Variants in WFDC9 observed in about 807,000 individuals in gnomAD.
WFDC9 encodes WAP four-disulfide core domain 9, also known as protein WFDC9.
In WFDC9, 9 loss-of-function variants were observed where a neutral mutation model predicts 9.5. The observed-to-expected ratio is 0.95, with a 90% CI of 0.57 to 1.65. The LOEUF (loss-of-function observed/expected upper bound fraction) is 1.65. Among genes scored for constraint, WFDC9 ranks in the 40% most tolerant of loss-of-function variants. The pLI, the probability that WFDC9 is intolerant of heterozygous loss-of-function variation, is 0.00. For missense variants in WFDC9, 87 were observed against 106.7 expected (o/e 0.82, Z 0.81); for synonymous variants, 33 against 32.3 (o/e 1.02, Z -0.07).
chr20:45,615,798 A>T (rs1981960276), intron 1 of WFDC9, among the ~76,000 whole-genome samples: 2 of 152,336 alleles, frequency 1.3e-5, no homozygotes, highest in South Asian at 4.1e-4. Context: ...ATTATTACTT[A>T]TTAAAATATT....
At chr20:45,611,370 A>G (rs1227758743) in intron 2 of WFDC9, among the ~76,000 whole-genome samples, 2 of 152,162 alleles carry the variant, frequency 1.3e-5, no homozygotes, top group Non-Finnish European at 2.9e-5. Context: ...ATAGTTCTGA[A>G]CAATTTATGT....
At chr20:45,623,356 T>C (rs939460120) in intron 1 of WFDC9, among the ~76,000 whole-genome samples, 1 of 152,146 alleles carries the variant, frequency 6.6e-6, no homozygotes, top group Non-Finnish European at 1.5e-5. Context: ...TGGATGTTTT[T>C]AGGCCAGGCG....
At chr20:45,613,758 T>C (rs1317745363) in intron 2 of WFDC9, among the ~76,000 whole-genome samples, 1 of 152,210 alleles carries the variant, frequency 6.6e-6, no homozygotes, top group Non-Finnish European at 1.5e-5. Context: ...AATGGCAAGA[T>C]ACTCATTCCT....
intron 1 of WFDC9, among the ~76,000 whole-genome samples, chr20:45,616,859 A>G (rs970365987): frequency 4.6e-5 from 7 of 152,354 alleles, no homozygotes; most frequent in Admixed American, 2.0e-4. Flanking sequence ...AGAGCAGAGC[A>G]AGAGCAGAGT....
intron 1 of WFDC9, among the ~76,000 whole-genome samples, chr20:45,627,093 G>C (rs1293761281): frequency 6.6e-6 from 1 of 152,178 alleles, no homozygotes; most frequent in African/African-American, 2.4e-5. Context: ...TTTTGTCCCT[G>C]ATTCTGTTGA....
At position 45,630,431 on chromosome 20, in the gene WFDC9, C is replaced by T. The variant is rs764728229; in HGVS notation, c.-153+772G>A. ...GGGGCAGGAAGACTAGAGACAGTGA[C>T]AGTGAGCAGAAGAGAGGGAGAGACA... On this transcript the variant is annotated intron_variant, in intron 1 of 4. Coordinates refer to ENST00000326000, the MANE Select transcript of WFDC9 (RefSeq NM_147198.4). 2.6e-5 allele frequency among the ~76,000 whole-genome samples: 4 copies of T among 152,042 alleles called. No homozygotes were observed. In the East Asian group the frequency reaches 5.8e-4, roughly 22 times the overall value.
At position 45,630,943 on chromosome 20, in the gene WFDC9, A is replaced by C. The variant is rs141343026; in HGVS notation, c.-153+260T>G. On this transcript the variant is annotated intron_variant, in intron 1 of 4. Coordinates refer to ENST00000326000, the MANE Select transcript of WFDC9 (RefSeq NM_147198.4). ...TATATCTATGCAAACACTTATGTGA[A>C]TCTCACCGAGATTGTCAAGCAAATA... 1 of 1,612,316 alleles carries C rather than the reference A, an allele frequency of 6.2e-7. No homozygotes were observed. The highest frequency in any genetic ancestry group is 8.5e-7 in the Non-Finnish European group (1 of 1,179,350).
At chr20:45,611,882 A>G (rs139484839) in intron 2 of WFDC9, among the ~76,000 whole-genome samples, 1 of 152,250 alleles carries the variant, frequency 6.6e-6, no homozygotes, top group Non-Finnish European at 1.5e-5. Context: ...GGTAATTTTC[A>G]TCACCACACT....
intron 1 of WFDC9, among the ~76,000 whole-genome samples, chr20:45,625,655 G>A (rs762071684): frequency 1.8e-4 from 27 of 151,886 alleles, no homozygotes; most frequent in Non-Finnish European, 2.8e-4. Flanking sequence ...GGTGAGAGGC[G>A]AAGGTCTAAT....
intron 1 of WFDC9, among the ~76,000 whole-genome samples, chr20:45,627,466 G>A (rs3091440): frequency 0.58 from 88,602 of 151,710 alleles, 26,870 homozygotes; most frequent in East Asian, 0.98. Context: ...TGTTTCAGGG[G>A]AGACTTTTTA....
chr20:45,629,765 A>T (rs1298255399), intron 1 of WFDC9: 1 of 1,592,548 alleles, frequency 6.3e-7, no homozygotes, highest in South Asian at 1.1e-5. Flanking sequence ...TCTGCAGGGA[A>T]GTCTGTGACA....
intron 1 of WFDC9, among the ~76,000 whole-genome samples, chr20:45,618,228 T>C (rs1745180259): frequency 6.6e-6 from 1 of 152,140 alleles, no homozygotes; most frequent in South Asian, 2.1e-4. Context: ...AATTGAAGAG[T>C]TGGGGTCTTT....
intron 1 of WFDC9, among the ~76,000 whole-genome samples, chr20:45,617,471 G>A (rs997466392): frequency 6.6e-6 from 1 of 151,842 alleles, no homozygotes; most frequent in African/African-American, 2.4e-5. Context: ...AATTTAAAAA[G>A]AAAATCCATG....
chr20:45,625,837 A>T (rs1600923969), intron 1 of WFDC9, among the ~76,000 whole-genome samples: 2 of 27,144 alleles, frequency 7.4e-5, no homozygotes, highest in Non-Finnish European at 1.2e-4. Context: ...TTTTTTTGAG[A>T]CAGAGTCTTG....
intron 1 of WFDC9, among the ~76,000 whole-genome samples, chr20:45,623,952 G>C (rs61126246): frequency 0.051 from 7,796 of 152,174 alleles, 372 homozygotes; most frequent in East Asian, 0.24. Context: ...CAGCACATTG[G>C]GAGGCTGAGG....
At chr20:45,627,419 T>C (rs918587952) in intron 1 of WFDC9, among the ~76,000 whole-genome samples, 4 of 152,190 alleles carry the variant, frequency 2.6e-5, no homozygotes, top group Non-Finnish European at 5.9e-5. Flanking sequence ...TAAAGGGTCA[T>C]AGAATTTGGT....
intron 1 of WFDC9, among the ~76,000 whole-genome samples, chr20:45,615,984 G>T (rs79512961): frequency 3.8e-3 from 504 of 132,402 alleles, no homozygotes; most frequent in South Asian, 5.6e-3. Flanking sequence ...CCTCAATGTT[G>T]ATGGTTGTTG....
At chr20:45,609,951 A>T in intron 3 of WFDC9, 140 bp downstream of exon 3, 2 of 625,052 alleles carry the variant, frequency 3.2e-6, no homozygotes, top group Non-Finnish European at 5.4e-6. Flanking sequence ...AATTGGGAAT[A>T]TCTAACCTAA....
intron 1 of WFDC9, among the ~76,000 whole-genome samples, chr20:45,615,329 A>G (rs1281070660): frequency 1.3e-5 from 2 of 152,168 alleles, no homozygotes; most frequent in Non-Finnish European, 2.9e-5. Context: ...CACAATACAC[A>G]TGATTTGGAG....
Sources: allele counts gnomAD v4.1 joint callset (sites outside exome capture counted in the v4.1 genomes callset), GRCh38; gene constraint gnomAD v4.1.1; transcripts MANE v1.5; gene names NCBI Gene and HGNC (gene_info 2026-07-23, HGNC 2026-07-21).